The following DDX39B variants were observed in gnomAD, a reference collection of about 807,000 sequenced individuals.
DDX39B encodes spliceosome RNA helicase DDX39B.
In DDX39B, 6 loss-of-function variants were observed where a neutral mutation model predicts 46.4. The ratio of observed to expected loss-of-function variants is 0.13; its 90% CI spans 0.07 to 0.26. The LOEUF (loss-of-function observed/expected upper bound fraction) is 0.26, where lower values mean the gene tolerates loss of function less well. DDX39B is among the 10% of genes least tolerant of loss of function. DDX39B has a pLI of 1.00. For missense variants in DDX39B, 185 were observed against 553.4 expected (o/e 0.33, Z 6.68); for synonymous variants, 174 against 199.4 (o/e 0.87, Z 1.07).
In DDX39B at chr6:31,531,208, AAG is replaced by A; in HGVS notation, c.978-13_978-12del. 1 of 1,614,058 alleles carries A rather than the reference AAG, an allele frequency of 6.2e-7. No homozygotes were observed. Among genetic ancestry groups the A allele is most frequent in the Non-Finnish European group, 8.5e-7 (1 of 1,179,980 alleles). On this transcript the variant is annotated splice_polypyrimidine_tract_variant and intron_variant, in intron 8 of 10. Coordinates refer to ENST00000396172, the MANE Select transcript of DDX39B (RefSeq NM_004640.7). This position sits in a 1 kb window ranked among gnomAD's most constrained non-coding sequence, Gnocchi z 5.8. ...TGATACCGAGAAAGCCTTTGTGAGA[AAG>A]GAAATTTAAAACATGTTGAGATTCC...
intron 4 of DDX39B, among the ~76,000 whole-genome samples, chr6:31,537,726 C>T (rs909213998): frequency 6.6e-6 from 1 of 152,064 alleles, no homozygotes; most frequent in Non-Finnish European, 1.5e-5. Flanking sequence ...CGACGCTAAT[C>T]CTATGGTAAA....
Position 31,535,293 on chromosome 6 carries a change from C to A in DDX39B, c.735+74G>T. The A allele has an allele frequency of 7.0e-7, 1 of 1,425,372 alleles. No homozygotes were observed. Among genetic ancestry groups the A allele is most frequent in the South Asian group, 1.1e-5 (1 of 87,212 alleles). 88.3% of individuals were successfully genotyped at this position (1,425,372 alleles called of 1,614,324 possible). On this transcript the variant is annotated intron_variant, in intron 6 of 10. Coordinates refer to ENST00000396172, the MANE Select transcript of DDX39B (RefSeq NM_004640.7). The surrounding 1 kb of genome is among the most constrained non-coding windows in gnomAD (Gnocchi z 4.6). Reference sequence around the variant, plus strand: ...CTTGGCACTTGAATGACAAGGGAGTCTGAGGAAGAGGGCGAGGAAGGGGAG... The same window carrying A: ...CTTGGCACTTGAATGACAAGGGAGTATGAGGAAGAGGGCGAGGAAGGGGAG...
intron 3 of DDX39B, 102 bp from the exon 4 acceptor site, chr6:31,538,957 G>A (rs774638800): frequency 6.8e-7 from 1 of 1,478,536 alleles, no homozygotes. Flanking sequence ...GATAATAAAT[G>A]ACTTCAATTA....
chr6:31,531,340 G>A lies in DDX39B; in HGVS notation c.933C>T (p.Asn311=), dbSNP rs773469603. Reference sequence around the variant, plus strand: ...CACGGTGGATGGCAATGGCTGGGAAGTTCTGCTCCACTAGTAGCTGGGCCA... The same window carrying A: ...CACGGTGGATGGCAATGGCTGGGAAATTCTGCTCCACTAGTAGCTGGGCCA... ...IALAQLLVEQ[N]FPAIAIHRGM... The change falls in exon 8 of 11, where the codon AAC becomes AAT. Residue 311 remains asparagine, a synonymous_variant. Transcript: ENST00000396172. This position sits in a 1 kb window ranked among gnomAD's most constrained non-coding sequence, Gnocchi z 5.8. 1 of 1,614,104 alleles carries A rather than the reference G, an allele frequency of 6.2e-7. No individual in the cohort carries two copies. Among genetic ancestry groups the A allele is most frequent in the South Asian group, 1.1e-5 (1 of 91,084 alleles).
In DDX39B at chr6:31,531,791, A is replaced by G. The variant is rs1337625340; in HGVS notation, c.868-386T>C. The G allele has an allele frequency of 4.6e-6, 1 of 215,194 alleles. No individual in the cohort carries two copies. The highest frequency in any genetic ancestry group is 9.4e-6 in the Non-Finnish European group (1 of 106,874). 13.3% of individuals were successfully genotyped at this position (215,194 alleles called of 1,614,324 possible). On this transcript the variant is annotated intron_variant, in intron 7 of 10. Transcript: ENST00000396172. This position sits in a 1 kb window ranked among gnomAD's most constrained non-coding sequence, Gnocchi z 5.8. The stretch of plus-strand genomic sequence containing the variant: ...TCCTAATTCTAGAAAGCAGTTTTAA[A>G]TGCAAATAGACCACTCACAAGTATA...
rs566469549 is a variant in DDX39B at position 31,535,906 on chromosome 6, T to C, written c.617-421A>G. 2.0e-4 allele frequency among the ~76,000 whole-genome samples: 30 copies of C among 152,324 alleles called. No homozygotes were observed. The highest frequency in any genetic ancestry group is 7.2e-4 in the African/African-American group (30 of 41,580). ...GTCAGGCAAATATGACATCCCTACC[T>C]GGAGCCCACCTTTATAGCTCACCAT... On this transcript the variant is annotated intron_variant, in intron 5 of 10. Transcript: ENST00000396172. The surrounding 1 kb of genome is among the most constrained non-coding windows in gnomAD (Gnocchi z 4.6).
rs773426939 is a variant in DDX39B at position 31,535,011 on chromosome 6, T to A, written c.735+356A>T. The stretch of plus-strand genomic sequence containing the variant: ...TGTACGCTCGATGCCACCTTGAGGG[T>A]GCGTGGCTGTAGGGTGCATGTAAGA... On this transcript the variant is annotated intron_variant, in intron 6 of 10. Transcript: ENST00000396172. This position sits in a 1 kb window ranked among gnomAD's most constrained non-coding sequence, Gnocchi z 4.6. 5 of 336,186 alleles carry A rather than the reference T, an allele frequency of 1.5e-5. No homozygotes were observed. The highest frequency in any genetic ancestry group is 2.9e-5 in the Non-Finnish European group (5 of 175,066). The allele number at this position is 336,186 out of a possible 1,614,324, so 20.8% of individuals were successfully genotyped here.
Position 31,534,737 on chromosome 6 carries a change from C to T in DDX39B, c.735+630G>A, listed in dbSNP as rs928331877. The T allele has an allele frequency of 1.4e-5, 5 of 348,690 alleles. No individual in the cohort carries two copies. The highest frequency in any genetic ancestry group is 7.5e-5 in the East Asian group (1 of 13,370). 21.6% of individuals were successfully genotyped at this position (348,690 alleles called of 1,614,324 possible). Reference sequence around the variant, plus strand: ...CTGGGTGCCGTCTGCATTCCCTCGCCGCGCCACGGTGCTTCTCTGTTGCCG... The same window carrying T: ...CTGGGTGCCGTCTGCATTCCCTCGCTGCGCCACGGTGCTTCTCTGTTGCCG... On this transcript the variant is annotated intron_variant, in intron 6 of 10. Transcript: ENST00000396172. The surrounding 1 kb of genome is among the most constrained non-coding windows in gnomAD (Gnocchi z 5.1).
Position 31,540,667 on chromosome 6 carries a change from G to A in DDX39B, c.-132-3C>T, listed in dbSNP as rs1479610997. ...AGATACTATTTCTAACAGAAGAGCT[G>A]GAGGGGGGAAAAAAAAAAGCAAGAC... On this transcript the variant is annotated splice_region_variant and splice_polypyrimidine_tract_variant and intron_variant, in intron 1 of 10. Transcript: ENST00000396172. 2.8e-6 allele frequency: 2 copies of A among 726,500 alleles called. No individual in the cohort carries two copies. Among genetic ancestry groups the A allele is most frequent in the East Asian group, 2.8e-5 (1 of 35,472 alleles). The allele number at this position is 726,500 out of a possible 1,614,324, so 45.0% of individuals were successfully genotyped here. A position where few individuals can be genotyped will look rare whatever the true frequency, so the allele number is the denominator to read the frequency against.
Position 31,538,772 on chromosome 6 carries a change from G to A in DDX39B, c.423C>T (p.Pro141=). ...KEYERFSKYM[P]NVKVAVFFGG... ...CTTTACCTTGGCTTACCTTGACATT[G>A]GGCATGTATTTAGAGAAGCGCTCAT... The change falls in exon 4 of 11, where the codon CCC becomes CCT. Residue 141 remains proline (P), a synonymous_variant. Coordinates refer to ENST00000396172, the MANE Select transcript of DDX39B (RefSeq NM_004640.7). 6.2e-7 allele frequency: 1 copy of A among 1,612,940 alleles called. No individual in the cohort carries two copies. The highest frequency in any genetic ancestry group is 1.1e-5 in the South Asian group (1 of 90,874).
At chr6:31,537,691 GAAC>G (rs66619105) in intron 4 of DDX39B, among the ~76,000 whole-genome samples, 2,023 of 152,206 alleles carry the variant, frequency 0.013, 15 homozygotes, top group South Asian at 0.045. Context: ...AGGGGGAAAA[GAAC>G]AACTGTGGAA....
At position 31,535,660 on chromosome 6, in the gene DDX39B, A is replaced by G. The variant is rs1582947617; in HGVS notation, c.617-175T>C. On this transcript the variant is annotated intron_variant, in intron 5 of 10. Coordinates refer to ENST00000396172, the MANE Select transcript of DDX39B (RefSeq NM_004640.7). This position sits in a 1 kb window ranked among gnomAD's most constrained non-coding sequence, Gnocchi z 4.6. ...AGATTCCAGCTGTTTGTTTTAACCA[A>G]GCAAGAAATAAGGTAAAACCCCAAA... is the stretch of plus-strand genomic sequence containing the variant. 3.9e-5 allele frequency among the ~76,000 whole-genome samples: 6 copies of G among 152,280 alleles called. 1 individual carries two copies. Among genetic ancestry groups the G allele is most frequent in the Admixed American group, 3.9e-4 (6 of 15,294 alleles).
At chr6:31,541,369 C>A in intron 1 of DDX39B, 1 of 375,040 alleles carries the variant, frequency 2.7e-6, no homozygotes. Context: ...AAGGCAATCC[C>A]CGCCCAGGCT....
At position 31,532,909 on chromosome 6, in the gene DDX39B, TGGCTGGGGGGGAGGAAGGG is replaced by T; in HGVS notation, c.736-17_737del. On this transcript the variant is annotated splice_acceptor_variant and splice_polypyrimidine_tract_variant and coding_sequence_variant and intron_variant, in exon 7 of 11. Coordinates refer to ENST00000396172, the MANE Select transcript of DDX39B (RefSeq NM_004640.7). LOFTEE classifies it high-confidence loss of function. ...TCTCATCATCCACGAAGATCTCCAT[TGGCTGGGGGGGAGGAAGGG>T]GGTGGGGAACGGGAGGAGGGCAGAG... The T allele has an allele frequency of 2.0e-6, 1 of 510,576 alleles. No individual in the cohort carries two copies. The highest frequency in any genetic ancestry group is 3.2e-6 in the Non-Finnish European group (1 of 316,306). The allele number at this position is 510,576 out of a possible 1,614,324, so 31.6% of individuals were successfully genotyped here.
chr6:31,541,504 T>C (rs115945873), intron 1 of DDX39B: 474 of 390,954 alleles, frequency 1.2e-3, no homozygotes, highest in Non-Finnish European at 2.0e-3. Context: ...CAAATTAAGT[T>C]GGGCAAGTCA....
At chr6:31,536,711 A>G in intron 4 of DDX39B, 28 bp from the exon 5 acceptor site, 1 of 1,608,580 alleles carries the variant, frequency 6.2e-7, no homozygotes, top group Non-Finnish European at 8.5e-7. Context: ...AAGAGTCTCA[A>G]AACAGAGGAA....
At chr6:31,541,265 G>A (rs1014614264) in intron 1 of DDX39B, 18 of 526,344 alleles carry the variant, frequency 3.4e-5, no homozygotes, top group Non-Finnish European at 5.5e-5. Context: ...AATTAGCATG[G>A]GGGGGAGGGG....
Position 31,535,644 on chromosome 6 carries a change from CTGTT to C in DDX39B, c.617-163_617-160del, listed in dbSNP as rs757975595. ...ATCAAGAAGTGGGATCAGATTCCAG[CTGTT>C]TGTTTTAACCAAGCAAGAAATAAGG... is the stretch of plus-strand genomic sequence containing the variant. On this transcript the variant is annotated intron_variant, in intron 5 of 10. Transcript: ENST00000396172. The surrounding 1 kb of genome is among the most constrained non-coding windows in gnomAD (Gnocchi z 4.6). Among the ~76,000 whole-genome samples, 80 of 152,250 alleles carry C rather than the reference CTGTT, an allele frequency of 5.3e-4. No homozygotes were observed. Among genetic ancestry groups the C allele is most frequent in the Non-Finnish European group, 1.1e-3 (74 of 68,006 alleles).
chr6:31,530,797 T>G lies in DDX39B; in HGVS notation c.1252A>C (p.Ile418Leu). The change falls in exon 10 of 11, where the codon ATA (isoleucine) becomes CTA (leucine). Residue 418 changes from isoleucine to leucine, a missense_variant. Physicochemically the swap from Ile to Leu is conservative, Grantham distance 5. Transcript: ENST00000396172. The surrounding 1 kb of genome is among the most constrained non-coding windows in gnomAD (Gnocchi z 4.5). ...TACTCACTGTAGGAGGAGATGTCTA[T>G]CTCATCAGGCAGCTCACTAATATTG... ...EVNISELPDE[I>L]DISSYIEQTR is the part of the protein sequence containing the mutation. The G allele has an allele frequency of 6.2e-7, 1 of 1,612,856 alleles. No homozygotes were observed. Among genetic ancestry groups the G allele is most frequent in the East Asian group, 2.2e-5 (1 of 44,886 alleles).
Sources: gnomAD v4.1 joint callset for allele counts (sites outside exome capture counted in the v4.1 genomes callset) on GRCh38, gnomAD v4.1.1 for gene constraint, Gnocchi (gnomAD v3.1) non-coding constraint, MANE v1.5 for transcripts, NCBI Gene and HGNC (gene_info 2026-07-23, HGNC 2026-07-21) for gene names.